The following EYA2 variants were observed in gnomAD, a reference collection of about 807,000 sequenced individuals.
The protein encoded by EYA2 is protein phosphatase EYA2.
In EYA2, 31 loss-of-function variants were observed where a neutral mutation model predicts 69.2. That is an observed-to-expected ratio of 0.45 (90% CI 0.34 to 0.60). The LOEUF (loss-of-function observed/expected upper bound fraction) is 0.60, where lower values mean the gene tolerates loss of function less well. Among genes scored for constraint, EYA2 ranks in the 20% least tolerant of loss-of-function variants. The pLI, the probability that EYA2 is intolerant of heterozygous loss-of-function variation, is 0.02. For synonymous variants in EYA2, 257 were observed against 279.4 expected (o/e 0.92, Z 0.80); for missense variants, 622 against 701.2 (o/e 0.89, Z 1.28).
chr20:47,016,288 C>A lies in EYA2; in HGVS notation c.406C>A (p.Gln136Lys). ...SPTGQSPYTY[Q>K]MHGTTGFYQG... is the part of the protein sequence containing the mutation. Reference sequence around the variant, plus strand: ...CACTGGACAGAGCCCATACACCTACCAGATGCACGGTCAGTGTGGCGCTGT... The same window carrying A: ...CACTGGACAGAGCCCATACACCTACAAGATGCACGGTCAGTGTGGCGCTGT... The change falls in exon 5 of 16, where the codon CAG becomes AAG. Residue 136 changes from glutamine (Q) to lysine (K), a missense_variant. Gln to Lys is a moderately conservative substitution (Grantham distance 53). Transcript: ENST00000327619. 1.2e-6 allele frequency: 2 copies of A among 1,613,604 alleles called. No individual in the cohort carries two copies. The highest frequency in any genetic ancestry group is 1.7e-6 in the Non-Finnish European group (2 of 1,179,484).
At chr20:47,042,772 A>T (rs1011342787) in intron 5 of EYA2, among the ~76,000 whole-genome samples, 8 of 152,182 alleles carry the variant, frequency 5.3e-5, no homozygotes, top group African/African-American at 1.9e-4. Flanking sequence ...TGGTCACAAG[A>T]CAGCTGCTTC....
chr20:47,045,992 G>A (rs2030016608), intron 5 of EYA2, among the ~76,000 whole-genome samples: 1 of 152,184 alleles, frequency 6.6e-6, no homozygotes, highest in Non-Finnish European at 1.5e-5. Context: ...CATTTGGGCT[G>A]CTATAACAAA....
At chr20:47,108,613 C>A (rs1051193473) in intron 9 of EYA2, among the ~76,000 whole-genome samples, 1 of 151,872 alleles carries the variant, frequency 6.6e-6, no homozygotes, top group Non-Finnish European at 1.5e-5. Context: ...GCTCTGTCAC[C>A]CAGGCTGGAG....
At chr20:47,039,111 T>TCACACACACACA (rs11467574) in intron 5 of EYA2, among the ~76,000 whole-genome samples, 2,949 of 149,940 alleles carry the variant, frequency 0.02, 109 homozygotes, top group East Asian at 0.14. Flanking sequence ...GATGTCGAAA[T>TCACACACACACA]CACACACACA....
At position 46,902,943 on chromosome 20, in the gene EYA2, C is replaced by T. The variant is rs149614057; in HGVS notation, c.-11+7956C>T. On this transcript the variant is annotated intron_variant, in intron 1 of 15. Transcript: ENST00000327619. ...TCTAAGCTATTGCAATATGACAAGA[C>T]AATCCTTGTAGACCAGAAATAACAT... Among the ~76,000 whole-genome samples the T allele has an allele frequency of 4.7e-4, 71 of 152,332 alleles. 1 individual carries two copies. The highest frequency in any genetic ancestry group is 1.5e-3 in the South Asian group (7 of 4,822).
rs928730683 is a variant in EYA2, at chr20:47,073,670, C to T, written c.484-488C>T. ...TCCCTTAGGGTGGCCTGTGGACCTCCAGGTGCCAGCATCTGCATGCCTGGG... is the reference window on the plus strand; with the variant it reads ...TCCCTTAGGGTGGCCTGTGGACCTCTAGGTGCCAGCATCTGCATGCCTGGG... On this transcript the variant is annotated intron_variant, in intron 6 of 15. Transcript: ENST00000327619. Among the ~76,000 whole-genome samples, 4 of 152,076 alleles carry T rather than the reference C, an allele frequency of 2.6e-5. No homozygotes were observed. The East Asian group carries it at 7.7e-4, about 29-fold the overall frequency.
At chr20:47,038,194 G>C (rs181204992) in intron 5 of EYA2, among the ~76,000 whole-genome samples, 2 of 152,078 alleles carry the variant, frequency 1.3e-5, no homozygotes, top group Admixed American at 6.6e-5. Flanking sequence ...GGGGTGGGGC[G>C]GTCAGGGAAA....
At chr20:47,184,987 G>A (rs2034608698) in intron 15 of EYA2, among the ~76,000 whole-genome samples, 1 of 152,186 alleles carries the variant, frequency 6.6e-6, no homozygotes, top group African/African-American at 2.4e-5. Context: ...CAGAACGTTA[G>A]TGAGAAACAG....
intron 1 of EYA2, among the ~76,000 whole-genome samples, chr20:46,983,993 C>T (rs950463661): frequency 8.6e-5 from 13 of 152,042 alleles, no homozygotes; most frequent in African/African-American, 1.4e-4. Context: ...CAAGCTATCC[C>T]GTCGTAGCTG....
chr20:47,104,631 C>G (rs565945339), intron 9 of EYA2, among the ~76,000 whole-genome samples: 1 of 152,144 alleles, frequency 6.6e-6, no homozygotes, highest in Non-Finnish European at 1.5e-5. Flanking sequence ...AGGGGTGCAA[C>G]CTCATTGTTT....
chr20:47,066,801 C>T (rs1404333235), intron 5 of EYA2, among the ~76,000 whole-genome samples: 1 of 152,198 alleles, frequency 6.6e-6, no homozygotes, highest in Non-Finnish European at 1.5e-5. Flanking sequence ...AGACCTGCCA[C>T]CATCACCTTA....
intron 9 of EYA2, among the ~76,000 whole-genome samples, chr20:47,100,404 G>A (rs748731835): frequency 2.0e-5 from 3 of 152,162 alleles, no homozygotes; most frequent in Non-Finnish European, 4.4e-5. Context: ...CCAGCCCATC[G>A]CAGCCCCCAC....
intron 8 of EYA2, among the ~76,000 whole-genome samples, chr20:47,095,107 AGGAAAATTCT>A (rs2032210661): frequency 6.6e-6 from 1 of 152,228 alleles, no homozygotes; most frequent in African/African-American, 2.4e-5. Flanking sequence ...AAAATAACTT[AGGAAAATTCT>A]AATTGGTTTT....
At chr20:46,984,308 GAGA>G (rs1234448118) in intron 1 of EYA2, among the ~76,000 whole-genome samples, 1 of 151,626 alleles carries the variant, frequency 6.6e-6, no homozygotes, top group Non-Finnish European at 1.5e-5. Context: ...GAAAGACTAA[GAGA>G]AGAAATTTAC....
At chr20:46,993,225 AG>A (rs1373572115) in intron 2 of EYA2, among the ~76,000 whole-genome samples, 1 of 152,060 alleles carries the variant, frequency 6.6e-6, no homozygotes, top group African/African-American at 2.4e-5. Context: ...GAGTTGAAAC[AG>A]GGAGTGGACT....
At chr20:46,926,701 C>A (rs1285289965) in intron 1 of EYA2, among the ~76,000 whole-genome samples, 2 of 152,240 alleles carry the variant, frequency 1.3e-5, no homozygotes, top group Non-Finnish European at 2.9e-5. Flanking sequence ...TTAACCATCA[C>A]ACTAATGAAA....
rs111989191 is a variant in EYA2 at position 47,073,820 on chromosome 20, G to A, written c.484-338G>A. On this transcript the variant is annotated intron_variant, in intron 6 of 15. Coordinates refer to ENST00000327619, the MANE Select transcript of EYA2 (RefSeq NM_005244.5). ...ATAAACCCCTCCACTCCCTTGACCCGTGGGAGAGGCAGTTCTGAGATGTGG... is the reference window on the plus strand; with the variant it reads ...ATAAACCCCTCCACTCCCTTGACCCATGGGAGAGGCAGTTCTGAGATGTGG... 5.1e-3 allele frequency among the ~76,000 whole-genome samples: 769 copies of A among 152,090 alleles called. 1 individual carries two copies. Among genetic ancestry groups the A allele is most frequent in the Admixed American group, 9.4e-3 (144 of 15,290 alleles).
intron 1 of EYA2, among the ~76,000 whole-genome samples, chr20:46,909,159 T>C (rs1312955292): frequency 6.6e-6 from 1 of 152,058 alleles, no homozygotes; most frequent in Non-Finnish European, 1.5e-5. Flanking sequence ...CTGGGGTTGA[T>C]TTAAGAGTGG....
chr20:46,984,691 A>G (rs1981072210), intron 1 of EYA2, among the ~76,000 whole-genome samples: 1 of 152,256 alleles, frequency 6.6e-6, no homozygotes, highest in South Asian at 2.1e-4. Flanking sequence ...GTTCAAGTTC[A>G]GTTCACATAT....
Sources: allele counts gnomAD v4.1 joint callset (sites outside exome capture counted in the v4.1 genomes callset), GRCh38; gene constraint gnomAD v4.1.1; transcripts MANE v1.5; gene names NCBI Gene and HGNC (gene_info 2026-07-23, HGNC 2026-07-21).